WDPCP: variants seen among roughly 807,000 people sequenced by gnomAD.
The protein encoded by WDPCP is WD repeat containing planar cell polarity effector.
Under a neutral mutation model 93.1 loss-of-function variants are expected in WDPCP, and 71 were observed. That is an observed-to-expected ratio of 0.76 (90% confidence interval 0.63 to 0.93). The LOEUF (loss-of-function observed/expected upper bound fraction) is 0.93. Among genes scored for constraint, WDPCP ranks in the 40% least tolerant of loss-of-function variants. The pLI is 0.00. For synonymous variants in WDPCP, 315 were observed against 315.0 expected (o/e 1.00, Z 0.00); for missense variants, 844 against 887.4 (o/e 0.95, Z 0.62).
intron 12 of WDPCP, among the ~76,000 whole-genome samples, chr2:63,338,898 T>C (rs1387810334): frequency 6.6e-6 from 1 of 151,982 alleles, no homozygotes; most frequent in East Asian, 1.9e-4. Flanking sequence ...TATAGTTTTT[T>C]TTCTATTTTT....
chr2:63,361,957 T>C (rs948926633), intron 12 of WDPCP, among the ~76,000 whole-genome samples: 3 of 152,152 alleles, frequency 2.0e-5, no homozygotes, highest in African/African-American at 4.8e-5. Flanking sequence ...TATATCATAG[T>C]TGCATCTATT....
At chr2:63,299,802 T>C (rs181629478) in intron 13 of WDPCP, among the ~76,000 whole-genome samples, 1 of 152,246 alleles carries the variant, frequency 6.6e-6, no homozygotes, top group African/African-American at 2.4e-5. Flanking sequence ...AGCAAGGACA[T>C]GGGAGTCCTT....
At chr2:63,573,241 CAAA>C (rs1198084895) in intron 1 of WDPCP, among the ~76,000 whole-genome samples, 7 of 119,154 alleles carry the variant, frequency 5.9e-5, no homozygotes, top group African/African-American at 3.0e-5. Context: ...AGACCTGCCT[CAAA>C]AAAAAAAAAA....
chr2:63,277,739 C>T (rs779762497), intron 13 of WDPCP, among the ~76,000 whole-genome samples: 1 of 152,112 alleles, frequency 6.6e-6, no homozygotes, highest in Non-Finnish European at 1.5e-5. Context: ...AACACTGGAG[C>T]TCCCAGATTT....
chr2:63,760,257 T>C (rs1314885333), intron 2 of WDPCP, among the ~76,000 whole-genome samples: 1 of 152,206 alleles, frequency 6.6e-6, no homozygotes, highest in Non-Finnish European at 1.5e-5. Flanking sequence ...ACTGCATCCA[T>C]GAAGGAAGCC....
At chr2:63,131,545 T>A (rs1212760454) in intron 17 of WDPCP, among the ~76,000 whole-genome samples, 1 of 152,182 alleles carries the variant, frequency 6.6e-6, no homozygotes, top group Admixed American at 6.5e-5. Context: ...TTTATAGATT[T>A]TTTGTGTGAG....
chr2:63,435,701 A>G (rs573352530), intron 8 of WDPCP, among the ~76,000 whole-genome samples: 4 of 152,256 alleles, frequency 2.6e-5, no homozygotes, highest in Admixed American at 2.0e-4. Context: ...GGAATGTAAA[A>G]TAAACAAATT....
intron 13 of WDPCP, among the ~76,000 whole-genome samples, chr2:63,279,793 G>A (rs757482807): frequency 6.6e-6 from 1 of 152,052 alleles, no homozygotes; most frequent in Non-Finnish European, 1.5e-5. Flanking sequence ...ACACAAATCA[G>A]TAGCTCTGCT....
At chr2:63,263,290 C>A (rs1274735151) in intron 13 of WDPCP, among the ~76,000 whole-genome samples, 1 of 152,182 alleles carries the variant, frequency 6.6e-6, no homozygotes, top group African/African-American at 2.4e-5. Flanking sequence ...CACCAAAACA[C>A]ATGTTGAAAC....
chr2:63,641,175 C>G (rs1450454016), intron 3 of WDPCP, among the ~76,000 whole-genome samples: 1 of 152,254 alleles, frequency 6.6e-6, no homozygotes, highest in East Asian at 1.9e-4. Flanking sequence ...CTAAATAGTA[C>G]TCCATTGTGT....
At chr2:63,731,781 T>C (rs1669565093) in intron 2 of WDPCP, among the ~76,000 whole-genome samples, 1 of 152,176 alleles carries the variant, frequency 6.6e-6, no homozygotes, top group South Asian at 2.1e-4. Flanking sequence ...GAGCTTGTAA[T>C]CTCAAGATGA....
At chr2:63,810,891 G>A (rs968629271) in intron 2 of WDPCP, among the ~76,000 whole-genome samples, 8 of 152,192 alleles carry the variant, frequency 5.3e-5, no homozygotes, top group East Asian at 3.8e-4. Flanking sequence ...GTTTGTGAGT[G>A]GAAGCCTAGA....
At chr2:63,780,684 T>C (rs966808607) in intron 2 of WDPCP, among the ~76,000 whole-genome samples, 2 of 152,218 alleles carry the variant, frequency 1.3e-5, no homozygotes, top group Non-Finnish European at 2.9e-5. Flanking sequence ...TCAAGACACC[T>C]GCTGCTTTGT....
chr2:63,521,209 T>TA (rs1279688852), intron 1 of WDPCP, among the ~76,000 whole-genome samples: 2 of 152,164 alleles, frequency 1.3e-5, no homozygotes, highest in African/African-American at 2.4e-5. Context: ...CACATATCTA[T>TA]ACCAACCTTG....
intron 17 of WDPCP, among the ~76,000 whole-genome samples, chr2:63,142,516 A>T (rs1671145316): frequency 6.6e-6 from 1 of 152,070 alleles, no homozygotes. Flanking sequence ...ATATAATTTC[A>T]ATTTTTTAAA....
intron 17 of WDPCP, among the ~76,000 whole-genome samples, chr2:63,139,820 G>T (rs1170539751): frequency 6.6e-6 from 1 of 152,026 alleles, no homozygotes; most frequent in Admixed American, 6.6e-5. Context: ...AGTTTAATTA[G>T]GTCCCAGCTA....
intron 13 of WDPCP, among the ~76,000 whole-genome samples, chr2:63,308,855 T>G (rs986846657): frequency 1.3e-5 from 2 of 152,040 alleles, no homozygotes; most frequent in Admixed American, 1.3e-4. Context: ...CAAACCTGCA[T>G]GTTCCGCACA....
chr2:63,725,817 T>A (rs1669489020), intron 2 of WDPCP, among the ~76,000 whole-genome samples: 1 of 152,222 alleles, frequency 6.6e-6, no homozygotes, highest in South Asian at 2.1e-4. Context: ...AGCATTTTTT[T>A]CATATGCTTG....
At chr2:63,124,214 T>C (rs1048188560) in intron 17 of WDPCP, among the ~76,000 whole-genome samples, 3 of 151,744 alleles carry the variant, frequency 2.0e-5, no homozygotes, top group Non-Finnish European at 4.4e-5. Flanking sequence ...GAATTGGTAG[T>C]TTTGCTTTGT....
Sources: allele counts gnomAD v4.1 joint callset (sites outside exome capture counted in the v4.1 genomes callset), GRCh38; gene constraint gnomAD v4.1.1; transcripts MANE v1.5; gene names NCBI Gene and HGNC (gene_info 2026-07-23, HGNC 2026-07-21).